CSMD3: variants seen among roughly 807,000 people sequenced by gnomAD.
CSMD3 encodes the protein CUB and Sushi multiple domains 3.
In CSMD3, 177 loss-of-function variants were observed where a neutral mutation model predicts 435.2. The observed-to-expected ratio is 0.41, with a 90% CI of 0.36 to 0.46. The LOEUF (loss-of-function observed/expected upper bound fraction) is 0.46, where lower values mean the gene tolerates loss of function less well. Ranked by LOEUF, CSMD3 falls within the 20% of genes least tolerant of loss-of-function variation. The pLI is 0.34. For missense variants in CSMD3, 4,265 were observed against 4,504.6 expected, an observed-to-expected ratio of 0.95 and a Z score of 1.52; for synonymous variants, 1,656 against 1,520.5, an observed-to-expected ratio of 1.09 and a Z score of -2.07.
At chr8:112,947,727 A>T in intron 9 of CSMD3, 63 bp downstream of exon 9, 1 of 766,020 alleles carries the variant, frequency 1.3e-6, no homozygotes. Flanking sequence ...AGCTACTTTA[A>T]AGATTTAAAT....
intron 3 of CSMD3, among the ~76,000 whole-genome samples, chr8:113,212,219 G>C (rs2092844550): frequency 6.6e-6 from 1 of 152,030 alleles, no homozygotes; most frequent in Non-Finnish European, 1.5e-5. Flanking sequence ...TTCATTATTG[G>C]TTATCAAAGA....
At chr8:113,073,479 C>G (rs550341794) in intron 5 of CSMD3, among the ~76,000 whole-genome samples, 3 of 151,828 alleles carry the variant, frequency 2.0e-5, no homozygotes, top group East Asian at 3.9e-4. Flanking sequence ...TAAGGCAACC[C>G]CCTGCACATG....
Position 112,638,908 on chromosome 8 carries a change from A to G in CSMD3, c.3314T>C (p.Val1105Ala). ...ATGAAAAGTGTGGAAGTTGAACTGCACACCTATTAAGAAAAATAGAAACAC... is the reference window on the plus strand; with the variant it reads ...ATGAAAAGTGTGGAAGTTGAACTGCGCACCTATTAAGAAAAATAGAAACAC... ...WTVDVTHGKG[V>A]QFNFHTFHLE... Residue 1105 changes from valine to alanine, a missense_variant, in exon 21 of 71, where the codon GTG becomes GCG. This residue lies in a region of CSMD3 where 3,255 missense variants were observed against 3,380.2 expected (regional missense o/e 0.96). Coordinates refer to ENST00000297405, the MANE Select transcript of CSMD3 (RefSeq NM_198123.2). The G allele has an allele frequency of 6.2e-7, 1 of 1,603,438 alleles. No individual in the cohort carries two copies. The highest frequency in any genetic ancestry group is 8.5e-7 in the Non-Finnish European group (1 of 1,170,582).
At chr8:112,425,431 T>A (rs1216624376) in intron 32 of CSMD3, among the ~76,000 whole-genome samples, 1 of 152,198 alleles carries the variant, frequency 6.6e-6, no homozygotes, top group African/African-American at 2.4e-5. Context: ...CTATTGTCTT[T>A]CTTGCATGGC....
At chr8:113,109,509 G>T (rs1032322594) in intron 4 of CSMD3, among the ~76,000 whole-genome samples, 7 of 152,130 alleles carry the variant, frequency 4.6e-5, no homozygotes, top group Non-Finnish European at 7.4e-5. Context: ...AGAAGAAAGG[G>T]GTAACAAGTA....
chr8:112,286,542 T>C (rs1461338718), intron 58 of CSMD3, among the ~76,000 whole-genome samples: 3 of 152,140 alleles, frequency 2.0e-5, no homozygotes, highest in Non-Finnish European at 2.9e-5. Context: ...ACAAGATATT[T>C]TGAGTGAGAG....
At chr8:112,603,208 C>G (rs1201929887) in intron 22 of CSMD3, among the ~76,000 whole-genome samples, 1 of 152,210 alleles carries the variant, frequency 6.6e-6, no homozygotes, top group Non-Finnish European at 1.5e-5. Context: ...AATGTAGTGA[C>G]ATTTTTCTGC....
Position 112,244,536 on chromosome 8 carries a change from T to G in CSMD3, c.10260A>C (p.Ala3420=). 2.5e-6 allele frequency: 4 copies of G among 1,613,880 alleles called. No homozygotes were observed. The highest frequency in any genetic ancestry group is 3.4e-6 in the Non-Finnish European group (4 of 1,179,852). Residue 3420 remains alanine, a synonymous_variant, in exon 65 of 71, where the codon GCA becomes GCC. Coordinates refer to ENST00000297405, the MANE Select transcript of CSMD3 (RefSeq NM_198123.2). ...SCKQPETPAH[A]NVVGMDLPSH... is the part of the protein sequence containing the mutation. ...ATGGAAGGTCCATCCCTACGACATTTGCATGAGCAGGAGTTTCTGGCTGTT... is the reference window on the plus strand; with the variant it reads ...ATGGAAGGTCCATCCCTACGACATTGGCATGAGCAGGAGTTTCTGGCTGTT...
In CSMD3 at chr8:112,276,594, T is replaced by C. The variant is rs376237553; in HGVS notation, c.9508+4580A>G. On this transcript the variant is annotated intron_variant, in intron 59 of 70. Transcript: ENST00000297405. ...TGGGTCAGACCCAGGGCCTTCCTAC[T>C]GTGTGCAGTCTAGGAATTTGGTGCC... Among the ~76,000 whole-genome samples, 5 of 152,030 alleles carry C rather than the reference T, an allele frequency of 3.3e-5. No individual in the cohort carries two copies. In the East Asian group the frequency reaches 9.9e-4, roughly 30 times the overall value.
At chr8:113,071,387 T>G (rs2089111312) in intron 5 of CSMD3, among the ~76,000 whole-genome samples, 1 of 151,954 alleles carries the variant, frequency 6.6e-6, no homozygotes, top group South Asian at 2.1e-4. Flanking sequence ...GCCAAAAAAA[T>G]CATTGCACAT....
At chr8:112,253,271 G>T (rs1815452028) in intron 63 of CSMD3, among the ~76,000 whole-genome samples, 1 of 151,800 alleles carries the variant, frequency 6.6e-6, no homozygotes, top group Non-Finnish European at 1.5e-5. Context: ...ACCTTTTATG[G>T]AGATATTAAT....
At chr8:113,041,073 G>C (rs1345245075) in intron 5 of CSMD3, among the ~76,000 whole-genome samples, 2 of 151,984 alleles carry the variant, frequency 1.3e-5, no homozygotes, top group South Asian at 2.1e-4. Flanking sequence ...ACACGTGGTG[G>C]TGTGCACCTG....
At chr8:112,561,999 A>AT (rs142041465) in intron 24 of CSMD3, among the ~76,000 whole-genome samples, 7,595 of 151,476 alleles carry the variant, frequency 0.05, 217 homozygotes, top group African/African-American at 0.088. Flanking sequence ...ATTGTTTCCA[A>AT]TTTTTTACTG....
intron 19 of CSMD3, among the ~76,000 whole-genome samples, chr8:112,648,202 T>A (rs1188452285): frequency 2.4e-4 from 37 of 152,148 alleles, no homozygotes; most frequent in Non-Finnish European, 1.3e-4. Context: ...GGGGCAAAAG[T>A]TTCTGTTAAA....
intron 31 of CSMD3, among the ~76,000 whole-genome samples, chr8:112,488,439 T>G (rs772896479): frequency 6.6e-6 from 1 of 152,182 alleles, no homozygotes; most frequent in African/African-American, 2.4e-5. Flanking sequence ...CTGCAGAATA[T>G]GATCATGTTG....
chr8:112,613,040 T>C (rs1488105555), intron 22 of CSMD3, among the ~76,000 whole-genome samples: 1 of 152,064 alleles, frequency 6.6e-6, no homozygotes, highest in African/African-American at 2.4e-5. Flanking sequence ...CAAAAGGTGC[T>C]GGGATTATAG....
chr8:112,943,750 C>A (rs552495652), intron 9 of CSMD3, among the ~76,000 whole-genome samples: 1 of 151,594 alleles, frequency 6.6e-6, no homozygotes, highest in Non-Finnish European at 1.5e-5. Context: ...TCTTTTTCCC[C>A]CTTTGAAACA....
At chr8:112,759,909 G>C (rs1308114650) in intron 13 of CSMD3, among the ~76,000 whole-genome samples, 1 of 151,964 alleles carries the variant, frequency 6.6e-6, no homozygotes, top group African/African-American at 2.4e-5. Context: ...ACTTTTCTAA[G>C]TACTTTAAAT....
At chr8:112,914,442 T>C (rs1389158339) in intron 10 of CSMD3, among the ~76,000 whole-genome samples, 1 of 151,710 alleles carries the variant, frequency 6.6e-6, no homozygotes, top group African/African-American at 2.4e-5. Context: ...GTGCCAGGCA[T>C]TGCTATTTGT....
Sources: gnomAD v4.1 joint callset for allele counts (sites outside exome capture counted in the v4.1 genomes callset) on GRCh38, gnomAD v4.1.1 for gene constraint, gnomAD v4.1.1 regional missense constraint, MANE v1.5 for transcripts, NCBI Gene and HGNC (gene_info 2026-07-23, HGNC 2026-07-21) for gene names.